Variants in LHFPL4 observed in about 807,000 individuals in gnomAD.
LHFPL4 encodes LHFPL tetraspan subfamily member 4 protein.
A neutral mutation model predicts 20.0 loss-of-function variants in LHFPL4; 6 were observed. The ratio of observed to expected loss-of-function variants is 0.30; its 90% CI spans 0.16 to 0.59. The LOEUF (loss-of-function observed/expected upper bound fraction) is 0.59, where lower values mean the gene tolerates loss of function less well. Among genes scored for constraint, LHFPL4 ranks in the 20% least tolerant of loss-of-function variants. LHFPL4 has a pLI of 0.88. For missense variants in LHFPL4, 215 were observed against 331.2 expected, an observed-to-expected ratio of 0.65 and a Z score of 2.72; for synonymous variants, 129 against 143.8, an observed-to-expected ratio of 0.90 and a Z score of 0.74.
At chr3:9,503,567 T>G (rs1216880930) in intron 3 of LHFPL4, among the ~76,000 whole-genome samples, 1 of 152,154 alleles carries the variant, frequency 6.6e-6, no homozygotes, top group Non-Finnish European at 1.5e-5. Context: ...GGGGAAGAGC[T>G]TGGACTTTGG....
At chr3:9,504,034 T>G (rs1042129695) in intron 3 of LHFPL4, among the ~76,000 whole-genome samples, 1 of 151,156 alleles carries the variant, frequency 6.6e-6, no homozygotes, top group South Asian at 2.1e-4. Context: ...CCCCAATCTC[T>G]TAAAAAAATA....
At chr3:9,523,010 C>T (rs71623080) in intron 2 of LHFPL4, among the ~76,000 whole-genome samples, 68,385 of 135,060 alleles carry the variant, frequency 0.51, 16,983 homozygotes, top group South Asian at 0.59. Flanking sequence ...CACTGCACTT[C>T]AGCCTGGGCA....
chr3:9,530,285 C>T (rs970145077), intron 2 of LHFPL4, among the ~76,000 whole-genome samples: 3 of 152,202 alleles, frequency 2.0e-5, no homozygotes, highest in African/African-American at 7.2e-5. Flanking sequence ...TTAGTCTACC[C>T]ATCTTCATCA....
chr3:9,528,708 C>T (rs1198392309), intron 2 of LHFPL4, among the ~76,000 whole-genome samples: 2 of 152,110 alleles, frequency 1.3e-5, no homozygotes, highest in Non-Finnish European at 2.9e-5. Context: ...CTCTGTCTCC[C>T]GGGTTCAAGC....
At chr3:9,533,391 A>AC (rs1454350926) in intron 2 of LHFPL4, among the ~76,000 whole-genome samples, 25 of 152,228 alleles carry the variant, frequency 1.6e-4, no homozygotes, top group Admixed American at 1.0e-3. Flanking sequence ...AGACGGACAA[A>AC]CTGTGGTTAC....
intron 1 of LHFPL4, among the ~76,000 whole-genome samples, chr3:9,553,183 G>C (rs541976639): frequency 7.6e-4 from 115 of 151,564 alleles, no homozygotes; most frequent in African/African-American, 2.8e-3. Context: ...AGGAGGTCTG[G>C]TATTGGGTGT....
chr3:9,523,619 T>C (rs2046354954), intron 2 of LHFPL4, among the ~76,000 whole-genome samples: 1 of 151,788 alleles, frequency 6.6e-6, no homozygotes, highest in Admixed American at 6.6e-5. Context: ...ATTACAGGCG[T>C]GTGCCACCAT....
intron 2 of LHFPL4, among the ~76,000 whole-genome samples, chr3:9,510,472 A>T (rs1418803704): frequency 6.6e-6 from 1 of 150,600 alleles, no homozygotes; most frequent in African/African-American, 2.4e-5. Context: ...GTAGGGGATT[A>T]TCCCTGGCTG....
chr3:9,539,165 T>A (rs1165296392), intron 2 of LHFPL4, among the ~76,000 whole-genome samples: 2 of 152,122 alleles, frequency 1.3e-5, no homozygotes, highest in African/African-American at 4.8e-5. Context: ...TGCATTAAAT[T>A]CCTCTGGGGC....
At chr3:9,541,700 G>A (rs1398110688) in intron 2 of LHFPL4, among the ~76,000 whole-genome samples, 6 of 151,834 alleles carry the variant, frequency 4.0e-5, no homozygotes, top group Admixed American at 3.3e-4. Context: ...TGAACCTGGA[G>A]GGCAGAGGTT....
chr3:9,504,824 C>CGAA (rs1559513761), intron 3 of LHFPL4, among the ~76,000 whole-genome samples: 4 of 144,982 alleles, frequency 2.8e-5, no homozygotes, highest in Admixed American at 6.9e-5. Flanking sequence ...GACTCCATCT[C>CGAA]AAAAAAAAAA....
intron 2 of LHFPL4, among the ~76,000 whole-genome samples, chr3:9,529,317 G>A (rs934706439): frequency 3.3e-5 from 5 of 152,118 alleles, no homozygotes; most frequent in South Asian, 2.1e-4. Flanking sequence ...GCGAGCCACC[G>A]CGCCCGGCCA....
At chr3:9,525,310 A>G (rs1054240031) in intron 2 of LHFPL4, among the ~76,000 whole-genome samples, 8 of 152,164 alleles carry the variant, frequency 5.3e-5, no homozygotes, top group African/African-American at 1.7e-4. Context: ...ACTTGTCCAC[A>G]CAGCCTCCAG....
Position 9,506,154 on chromosome 3 carries a change from G to C in LHFPL4, c.456C>G (p.Ala152=). The change falls in exon 3 of 4, where the codon GCC becomes GCG. Residue 152 remains alanine (A), a synonymous_variant. Transcript: ENST00000287585. The surrounding 1 kb of genome is among the most constrained non-coding windows in gnomAD (Gnocchi z 4.5). ...CCCCACACATGTCCCGGATGGTCTC[G>C]GCATCCCAGCCATCAGGAAAGATCA... ...GCMIFPDGWD[A]ETIRDMCGAK... 1.9e-6 allele frequency: 3 copies of C among 1,614,150 alleles called. No homozygotes were observed. Among genetic ancestry groups the C allele is most frequent in the South Asian group, 2.2e-5 (2 of 91,082 alleles).
In LHFPL4 at chr3:9,510,443, A is replaced by AG. The variant is rs2046250519; in HGVS notation, c.407-4241_407-4240insC. ...CAGAGCAAGACATGGTTTCAAAAAAAAAAAAAAAAGGCCCTAATGTAGGGG... is the reference window on the plus strand; with the variant it reads ...CAGAGCAAGACATGGTTTCAAAAAAAGAAAAAAAAAGGCCCTAATGTAGGGG... On this transcript the variant is annotated intron_variant, in intron 2 of 3. Transcript: ENST00000287585. Among the ~76,000 whole-genome samples the AG allele has an allele frequency of 2.0e-5, 3 of 151,688 alleles. No individual in the cohort carries two copies. The South Asian group carries it at 6.3e-4, about 32-fold the overall frequency.
intron 2 of LHFPL4, among the ~76,000 whole-genome samples, chr3:9,518,463 AAG>A (rs1374705927): frequency 6.6e-6 from 1 of 152,190 alleles, no homozygotes; most frequent in Non-Finnish European, 1.5e-5. Flanking sequence ...TATTTTCTGA[AAG>A]AGAATGTAGA....
At chr3:9,523,298 T>C (rs1285590275) in intron 2 of LHFPL4, among the ~76,000 whole-genome samples, 1 of 145,072 alleles carries the variant, frequency 6.9e-6, no homozygotes, top group Non-Finnish European at 1.5e-5. Flanking sequence ...GGAGAATCGC[T>C]TGAACCTGGG....
At position 9,519,754 on chromosome 3, in the gene LHFPL4, A is replaced by G. The variant is rs117960409; in HGVS notation, c.407-13551T>C. ...TTTTCGTTAGAGATGAGGTCTCCCT[A>G]TGGTGCCCAGGTTGTTCTCAATTCC... On this transcript the variant is annotated intron_variant, in intron 2 of 3. Coordinates refer to ENST00000287585, the MANE Select transcript of LHFPL4 (RefSeq NM_198560.3). Among the ~76,000 whole-genome samples, 234 of 151,890 alleles carry G rather than the reference A, an allele frequency of 1.5e-3. 6 individuals are homozygous for G. The East Asian group carries it at 0.032, about 21-fold the overall frequency.
chr3:9,538,711 T>C (rs2046458600), intron 2 of LHFPL4, among the ~76,000 whole-genome samples: 1 of 151,862 alleles, frequency 6.6e-6, no homozygotes, highest in South Asian at 2.1e-4. Context: ...TCTTTTTTTT[T>C]TTTTTTAGAC....
Sources: gnomAD v4.1 joint callset for allele counts (sites outside exome capture counted in the v4.1 genomes callset) on GRCh38, gnomAD v4.1.1 for gene constraint, Gnocchi (gnomAD v3.1) non-coding constraint, MANE v1.5 for transcripts, NCBI Gene and HGNC (gene_info 2026-07-23, HGNC 2026-07-21) for gene names.